The following CACNB4 variants were observed in gnomAD, a reference collection of about 807,000 sequenced individuals.
The protein encoded by CACNB4 is voltage-dependent L-type calcium channel subunit beta-4.
In CACNB4, 32 loss-of-function variants were observed where a neutral mutation model predicts 71.2. That is an observed-to-expected ratio of 0.45 (90% CI 0.34 to 0.60). The LOEUF (loss-of-function observed/expected upper bound fraction) is 0.60, where lower values mean the gene tolerates loss of function less well. Ranked by LOEUF, CACNB4 falls within the 20% of genes least tolerant of loss-of-function variation. The pLI, the probability that CACNB4 is intolerant of heterozygous loss-of-function variation, is 0.01. For synonymous variants in CACNB4, 231 were observed against 236.9 expected, an observed-to-expected ratio of 0.97 and a Z score of 0.23; for missense variants, 464 against 647.9, an observed-to-expected ratio of 0.72 and a Z score of 3.08.
In CACNB4 at chr2:151,841,999, G is replaced by A. The variant is rs371784367; in HGVS notation, c.1206C>T (p.Thr402=). The A allele has an allele frequency of 1.5e-5, 25 of 1,613,488 alleles. No homozygotes were observed. The highest frequency in any genetic ancestry group is 2.0e-5 in the Non-Finnish European group (24 of 1,179,658). ...TCATGGGTGTGCTACTGGTTGTGTG[G>A]GTGGCACGCCAGTACGCCTCCAGGT... The part of the protein sequence containing the change: ...GEYLEAYWRA[T]HTTSSTPMTP... Residue 402 remains threonine, a synonymous_variant, in exon 13 of 14, where the codon ACC becomes ACT. Coordinates refer to ENST00000539935, the MANE Select transcript of CACNB4 (RefSeq NM_000726.5).
intron 2 of CACNB4, among the ~76,000 whole-genome samples, chr2:151,980,558 C>T (rs145444656): frequency 1.3e-5 from 2 of 152,342 alleles, no homozygotes; most frequent in East Asian, 3.9e-4. Context: ...ATTATATCCC[C>T]ACTGCCTAGC....
intron 2 of CACNB4, among the ~76,000 whole-genome samples, chr2:151,890,619 A>C (rs1488235765): frequency 6.6e-6 from 1 of 152,200 alleles, no homozygotes; most frequent in Admixed American, 6.5e-5. Context: ...ACATTAAAAC[A>C]TCAAACATTT....
intron 2 of CACNB4, among the ~76,000 whole-genome samples, chr2:151,889,638 C>G (rs953303967): frequency 2.0e-5 from 3 of 152,124 alleles, no homozygotes; most frequent in African/African-American, 7.2e-5. Context: ...TGGTGACTTT[C>G]CCAGATTTCC....
chr2:151,890,959 T>C (rs147939885), intron 2 of CACNB4, among the ~76,000 whole-genome samples: 28 of 152,294 alleles, frequency 1.8e-4, no homozygotes, highest in African/African-American at 6.5e-4. Flanking sequence ...ATGCCTCCGA[T>C]TATGTTCACA....
intron 2 of CACNB4, among the ~76,000 whole-genome samples, chr2:151,981,248 C>T (rs758004804): frequency 2.6e-5 from 4 of 152,190 alleles, no homozygotes; most frequent in South Asian, 2.1e-4. Context: ...TGCTTCATTC[C>T]ATAGAAGATC....
chr2:151,938,656 T>A (rs1045325537), intron 2 of CACNB4, among the ~76,000 whole-genome samples: 4 of 152,168 alleles, frequency 2.6e-5, no homozygotes, highest in East Asian at 1.9e-4. Flanking sequence ...AAGATTTTTT[T>A]AAAAAACCAA....
intron 2 of CACNB4, among the ~76,000 whole-genome samples, chr2:151,982,551 C>G (rs1271694962): frequency 6.6e-6 from 1 of 150,738 alleles, no homozygotes; most frequent in East Asian, 2.0e-4. Flanking sequence ...GGAGAATGGC[C>G]TGAACCTGGA....
At chr2:151,891,847 A>G (rs1230270078) in intron 2 of CACNB4, among the ~76,000 whole-genome samples, 1 of 152,202 alleles carries the variant, frequency 6.6e-6, no homozygotes, top group Non-Finnish European at 1.5e-5. Context: ...CAGGTCACAG[A>G]ATAACAACAT....
rs1462966778 is a variant in CACNB4 at position 152,050,908 on chromosome 2, G to A, written c.147+47422C>T. ...TTCTGCCTCAGGTCCCCAGGTAGCT[G>A]GGACTACAGGTGCACGTCACCACAT... On this transcript the variant is annotated intron_variant, in intron 2 of 13. Transcript: ENST00000539935. 2.0e-5 allele frequency among the ~76,000 whole-genome samples: 3 copies of A among 152,062 alleles called. No homozygotes were observed. The East Asian group carries it at 5.9e-4, about 30-fold the overall frequency.
intron 2 of CACNB4, among the ~76,000 whole-genome samples, chr2:152,020,000 G>A (rs1375570085): frequency 3.3e-5 from 5 of 152,118 alleles, no homozygotes; most frequent in Non-Finnish European, 7.4e-5. Flanking sequence ...AGCAGATGAA[G>A]CTCTTAAAAA....
At chr2:152,029,506 A>AG (rs1560145741) in intron 2 of CACNB4, among the ~76,000 whole-genome samples, 25 of 117,854 alleles carry the variant, frequency 2.1e-4, no homozygotes, top group South Asian at 3.7e-4. Context: ...AAAAAAAAAA[A>AG]AAAAAGAAAA....
chr2:151,882,232 A>G (rs531997657), intron 3 of CACNB4, among the ~76,000 whole-genome samples: 1 of 112,100 alleles, frequency 8.9e-6, no homozygotes, highest in African/African-American at 3.6e-5. Context: ...TCTGTTGCCC[A>G]GGCTGGAGTG....
chr2:151,914,653 T>C (rs924595645), intron 2 of CACNB4, among the ~76,000 whole-genome samples: 24 of 152,216 alleles, frequency 1.6e-4, no homozygotes, highest in African/African-American at 5.5e-4. Context: ...ATGGGTTTTT[T>C]GTGGGGGCCT....
intron 2 of CACNB4, among the ~76,000 whole-genome samples, chr2:152,082,765 A>T (rs1408648090): frequency 6.6e-6 from 1 of 152,216 alleles, no homozygotes; most frequent in Non-Finnish European, 1.5e-5. Flanking sequence ...AACTTGCTAC[A>T]TATTTTCCCA....
chr2:152,054,355 A>G (rs1002646658), intron 2 of CACNB4, among the ~76,000 whole-genome samples: 1 of 140,754 alleles, frequency 7.1e-6, no homozygotes, highest in African/African-American at 2.7e-5. Context: ...GACAAAGCAA[A>G]ACTCCGTCTC....
intron 2 of CACNB4, among the ~76,000 whole-genome samples, chr2:152,019,288 C>T (rs565702088): frequency 1.2e-4 from 19 of 152,106 alleles, no homozygotes; most frequent in Admixed American, 2.0e-4. Flanking sequence ...TACCTCTATG[C>T]CTCAGGAATA....
chr2:151,839,197 T>C lies in CACNB4; in HGVS notation c.1485A>G (p.Ser495=), dbSNP rs2151312960. ...YPLVEEDYPD[S]YQDTYKPHRN... ...TATGGGGTTTGTAAGTGTCCTGGTATGAGTCAGGGTAATCTTCTTCCACAA... is the reference window on the plus strand; with the variant it reads ...TATGGGGTTTGTAAGTGTCCTGGTACGAGTCAGGGTAATCTTCTTCCACAA... Residue 495 remains serine, a synonymous_variant, in exon 14 of 14, where the codon TCA becomes TCG. Transcript: ENST00000539935. 1 of 1,613,536 alleles carries C rather than the reference T, an allele frequency of 6.2e-7. No individual in the cohort carries two copies. The highest frequency in any genetic ancestry group is 2.2e-5 in the East Asian group (1 of 44,878).
rs1805031 is a variant in CACNB4 at position 151,880,879 on chromosome 2, C to A, written c.311G>T (p.Cys104Phe). 1,414 of 1,613,588 alleles carry A rather than the reference C, an allele frequency of 8.8e-4. 1 individual carries two copies. The highest frequency in any genetic ancestry group is 1.2e-3 in the Non-Finnish European group (1,370 of 1,179,668). The change falls in exon 4 of 14, where the codon TGC (cysteine) becomes TTC (phenylalanine). Residue 104 changes from cysteine to phenylalanine, a missense_variant. Physicochemically the swap from Cys to Phe is radical, Grantham distance 205. Coordinates refer to ENST00000539935, the MANE Select transcript of CACNB4 (RefSeq NM_000726.5). ...AFAVKTNVSY[C>F]GALDEDVPVP... ...AGGCACATCCTCGTCCAGGGCGCCG[C>A]AGTAGCTCACATTTGTCTTCACGGC... is the stretch of plus-strand genomic sequence containing the variant.
intron 2 of CACNB4, among the ~76,000 whole-genome samples, chr2:151,893,305 G>A (rs1280453068): frequency 2.0e-5 from 3 of 152,038 alleles, no homozygotes; most frequent in East Asian, 1.9e-4. Flanking sequence ...GCAGAGGTAC[G>A]ATCTTGGCTC....
Sources: allele counts gnomAD v4.1 joint callset (sites outside exome capture counted in the v4.1 genomes callset), GRCh38; gene constraint gnomAD v4.1.1; transcripts MANE v1.5; gene names NCBI Gene and HGNC (gene_info 2026-07-23, HGNC 2026-07-21).